The following MBP variants were observed in gnomAD, a reference collection of about 807,000 sequenced individuals.
The protein encoded by MBP is myelin basic protein, also known as Golli-MBP.
In MBP, 16 loss-of-function variants were observed where a neutral mutation model predicts 35.8. That is an observed-to-expected ratio of 0.45 (90% CI 0.30 to 0.68). MBP has a LOEUF of 0.68. Ranked by LOEUF, MBP falls within the 30% of genes least tolerant of loss-of-function variation. MBP has a pLI of 0.08. For synonymous variants in MBP, 143 were observed against 159.6 expected, an observed-to-expected ratio of 0.90 and a Z score of 0.78; for missense variants, 380 against 404.7, an observed-to-expected ratio of 0.94 and a Z score of 0.52.
At position 77,105,217 on chromosome 18, in the gene MBP, G is replaced by A; in HGVS notation, c.45C>T (p.Ala15=). The part of the protein sequence containing the change: ...AGKRELNAEK[A]STNSETNRGE... ...GGATCAGCTCACGTCTTACCGTACTGGCCTTCTCGGCATTTAATTCTCGTT... is the reference window on the plus strand; with the variant it reads ...GGATCAGCTCACGTCTTACCGTACTAGCCTTCTCGGCATTTAATTCTCGTT... Residue 15 remains alanine (A), a synonymous_variant, in exon 2 of 9, where the codon GCC becomes GCT. Transcript: ENST00000355994. The A allele has an allele frequency of 6.2e-7, 1 of 1,612,752 alleles. No individual in the cohort carries two copies.
chr18:77,009,841 C>A, intron 4 of MBP: 1 of 1,575,370 alleles, frequency 6.3e-7, no homozygotes, highest in East Asian at 2.3e-5. Flanking sequence ...GACCCGCCGG[C>A]GTCTTACCTT....
chr18:77,011,903 C>T (rs940995939), intron 4 of MBP, among the ~76,000 whole-genome samples: 11 of 152,188 alleles, frequency 7.2e-5, no homozygotes, highest in African/African-American at 2.4e-4. Context: ...TTCACGAGTG[C>T]TATTGTGTGT....
chr18:77,025,986 C>T (rs2282572), intron 3 of MBP, among the ~76,000 whole-genome samples: 18,103 of 152,238 alleles, frequency 0.12, 1,301 homozygotes, highest in East Asian at 0.26. Context: ...GTGAGTGCAT[C>T]GCTCATCCCG....
intron 3 of MBP, among the ~76,000 whole-genome samples, chr18:77,028,245 G>T (rs1419508787): frequency 7.4e-6 from 1 of 135,352 alleles, no homozygotes; most frequent in African/African-American, 2.6e-5. Flanking sequence ...ATCTTGCACC[G>T]CCCTTAATCC....
chr18:77,024,548 T>G (rs1440831442), intron 3 of MBP, among the ~76,000 whole-genome samples: 1 of 152,276 alleles, frequency 6.6e-6, no homozygotes, highest in Non-Finnish European at 1.5e-5. Flanking sequence ...TTGGATGTGT[T>G]GCTCAGATGA....
At chr18:77,002,437 A>G (rs1465827325) in intron 4 of MBP, among the ~76,000 whole-genome samples, 3 of 152,252 alleles carry the variant, frequency 2.0e-5, no homozygotes, top group African/African-American at 7.2e-5. Context: ...TAAATGCAGT[A>G]GGGATTTCCT....
chr18:77,114,282 G>C (rs1976575121), intron 1 of MBP: 1 of 152,226 alleles, frequency 6.6e-6, no homozygotes, highest in African/African-American at 2.4e-5. Context: ...TTGAAAATCT[G>C]ACTGTGGTCC....
intron 1 of MBP, among the ~76,000 whole-genome samples, chr18:77,116,517 C>G (rs1194697842): frequency 6.6e-6 from 1 of 152,210 alleles, no homozygotes; most frequent in Non-Finnish European, 1.5e-5. Flanking sequence ...GGGGCGCTTA[C>G]TATGGGCTAG....
rs1301494240 is a variant in MBP at position 77,041,694 on chromosome 18, C to T, written c.140-24426G>A. Among the ~76,000 whole-genome samples, 30 of 147,760 alleles carry T rather than the reference C, an allele frequency of 2.0e-4. 1 individual carries two copies. The highest frequency in any genetic ancestry group is 1.1e-3 in the South Asian group (5 of 4,688). ...ATCACAAGCACAAAAAACCAAACAC[C>T]GCGTGTTCTCACTCATAGGTGGGAA... On this transcript the variant is annotated intron_variant, in intron 3 of 8. Transcript: ENST00000355994.
chr18:77,107,100 T>TATTAAG (rs529543657), intron 1 of MBP, among the ~76,000 whole-genome samples: 111 of 152,308 alleles, frequency 7.3e-4, no homozygotes, highest in Non-Finnish European at 1.4e-3. Flanking sequence ...TTTAACTAAA[T>TATTAAG]ATTAAGAGCT....
At chr18:77,028,527 T>C (rs1226236776) in intron 3 of MBP, among the ~76,000 whole-genome samples, 2 of 98,110 alleles carry the variant, frequency 2.0e-5, no homozygotes, top group Non-Finnish European at 2.6e-5. Context: ...GACGGGGTGG[T>C]GGCCGGGCAG....
At chr18:77,056,611 A>ACT (rs1242597850) in intron 3 of MBP, among the ~76,000 whole-genome samples, 1 of 150,640 alleles carries the variant, frequency 6.6e-6, no homozygotes, top group Non-Finnish European at 1.5e-5. Context: ...GTCCTCCAGG[A>ACT]CTCTCCCACC....
At position 77,028,893 on chromosome 18, in the gene MBP, G is replaced by T. The variant is rs1471512649; in HGVS notation, c.140-11625C>A. ...AGAGGCGCTCCTCACTTCCCAGATG[G>T]GATGGCGGCCGGGCAGAGACTCTCC... is the stretch of plus-strand genomic sequence containing the variant. On this transcript the variant is annotated intron_variant, in intron 3 of 8. Transcript: ENST00000355994. Among the ~76,000 whole-genome samples the T allele has an allele frequency of 1.1e-3, 122 of 110,884 alleles. 11 individuals are homozygous for T. Among genetic ancestry groups the T allele is most frequent in the African/African-American group, 2.6e-3 (95 of 36,188 alleles). 72.7% of individuals were successfully genotyped at this position (110,884 alleles called of 152,430 possible).
chr18:76,988,527 C>G lies in MBP; in HGVS notation c.718G>C (p.Gly240Arg). 1.2e-6 allele frequency: 2 copies of G among 1,611,902 alleles called. No homozygotes were observed. The highest frequency in any genetic ancestry group is 1.7e-6 in the Non-Finnish European group (2 of 1,178,284). Residue 240 changes from glycine to arginine, a missense_variant and splice_region_variant, in exon 7 of 9, where the codon GGG becomes CGG. Coordinates refer to ENST00000355994, the MANE Select transcript of MBP (RefSeq NM_001025101.2). The surrounding 1 kb of genome is among the most constrained non-coding windows in gnomAD (Gnocchi z 5.2). ...AATCTGCTCAGGGACAGTCCTCTCC[C>G]CTGCATGAGGAAGACAGAGAAATAA... ...PRTPPPSQGK[G>R]RGLSLSRFSW...
intron 1 of MBP, among the ~76,000 whole-genome samples, chr18:77,124,406 C>A (rs558955064): frequency 2.0e-5 from 3 of 152,160 alleles, no homozygotes; most frequent in Non-Finnish European, 4.4e-5. Context: ...AAACATAAAT[C>A]GCTAGAATAA....
intron 3 of MBP, among the ~76,000 whole-genome samples, chr18:77,028,132 C>T (rs1160040586): frequency 8.8e-5 from 13 of 148,556 alleles, no homozygotes; most frequent in Non-Finnish European, 1.7e-4. Flanking sequence ...GCAGAGGACC[C>T]TGCGGCCTTC....
intron 2 of MBP, among the ~76,000 whole-genome samples, chr18:77,078,962 C>T (rs1261169121): frequency 1.3e-5 from 2 of 152,232 alleles, no homozygotes; most frequent in East Asian, 1.9e-4. Context: ...ACTGTGGCTC[C>T]ATGAGCCCAG....
At chr18:77,054,030 T>C (rs1973623729) in intron 3 of MBP, among the ~76,000 whole-genome samples, 1 of 152,268 alleles carries the variant, frequency 6.6e-6, no homozygotes, top group African/African-American at 2.4e-5. Context: ...CCATCAGAAC[T>C]TGAGTGGACG....
rs1969076358 is a variant in MBP, at chr18:76,979,825, G to T, written c.*602C>A. 2 of 632,630 alleles carry T rather than the reference G, an allele frequency of 3.2e-6. No individual in the cohort carries two copies. Among genetic ancestry groups the T allele is most frequent in the Admixed American group, 4.9e-5 (2 of 40,480 alleles). 39.2% of individuals were successfully genotyped at this position (632,630 alleles called of 1,614,324 possible). On this transcript the variant is annotated 3_prime_UTR_variant, in exon 9 of 9. Coordinates refer to ENST00000355994, the MANE Select transcript of MBP (RefSeq NM_001025101.2). ...GGGGAGGTGGCCCCCTCTCTGTGCT[G>T]CCCCACGTTGGACTCTAACAGCTGC...
Sources: gnomAD v4.1 joint callset for allele counts (sites outside exome capture counted in the v4.1 genomes callset) on GRCh38, gnomAD v4.1.1 for gene constraint, Gnocchi (gnomAD v3.1) non-coding constraint, MANE v1.5 for transcripts, NCBI Gene and HGNC (gene_info 2026-07-23, HGNC 2026-07-21) for gene names.